The following RFX3 variants were observed in gnomAD, a reference collection of about 807,000 sequenced individuals.
The protein encoded by RFX3 is regulatory factor X3.
A neutral mutation model predicts 98.6 loss-of-function variants in RFX3; 14 were observed. That is an observed-to-expected ratio of 0.14 (90% CI 0.09 to 0.22). The LOEUF (loss-of-function observed/expected upper bound fraction) is 0.22. RFX3 is among the 10% of genes least tolerant of loss of function. The pLI, the probability that RFX3 is intolerant of heterozygous loss-of-function variation, is 1.00. For synonymous variants in RFX3, 383 were observed against 328.4 expected (o/e 1.17, Z -1.80); for missense variants, 639 against 926.9 (o/e 0.69, Z 4.03).
chr9:3,402,994 A>C (rs907918743), intron 1 of RFX3, among the ~76,000 whole-genome samples: 2 of 152,064 alleles, frequency 1.3e-5, no homozygotes, highest in African/African-American at 4.8e-5. Flanking sequence ...GAAATTATTA[A>C]TGCATATATA....
chr9:3,434,703 T>G (rs184530141), intron 1 of RFX3, among the ~76,000 whole-genome samples: 1 of 152,188 alleles, frequency 6.6e-6, no homozygotes, highest in Non-Finnish European at 1.5e-5. Context: ...CCTTCTGCAC[T>G]CCAAATGCCA....
chr9:3,334,588 G>A (rs1176478845), intron 3 of RFX3, among the ~76,000 whole-genome samples: 1 of 152,178 alleles, frequency 6.6e-6, no homozygotes, highest in Non-Finnish European at 1.5e-5. Flanking sequence ...ACTAAAGAGT[G>A]TGCCTAATCC....
intron 1 of RFX3, among the ~76,000 whole-genome samples, chr9:3,482,394 T>A (rs532786096): frequency 4.6e-5 from 7 of 152,236 alleles, no homozygotes; most frequent in African/African-American, 7.2e-5. Context: ...CAAGCAGATA[T>A]GTAGTCATCT....
At chr9:3,230,423 C>T (rs763865097) in intron 15 of RFX3, among the ~76,000 whole-genome samples, 10 of 152,110 alleles carry the variant, frequency 6.6e-5, no homozygotes, top group South Asian at 2.1e-4. Context: ...ATACATCCCA[C>T]GGGGCAACAA....
intron 2 of RFX3, among the ~76,000 whole-genome samples, chr9:3,352,186 A>C (rs1364253255): frequency 1.3e-5 from 2 of 152,030 alleles, no homozygotes; most frequent in Non-Finnish European, 2.9e-5. Context: ...TTACAGTATG[A>C]TTAGCTTTGT....
chr9:3,232,003 A>G (rs1300794955), intron 15 of RFX3, among the ~76,000 whole-genome samples: 1 of 152,100 alleles, frequency 6.6e-6, no homozygotes, highest in Non-Finnish European at 1.5e-5. Context: ...ACTGCACTCC[A>G]GCCTGGGCAA....
intron 1 of RFX3, among the ~76,000 whole-genome samples, chr9:3,438,665 A>G (rs1385527627): frequency 1.3e-5 from 2 of 152,064 alleles, no homozygotes; most frequent in South Asian, 2.1e-4. Flanking sequence ...ATAGACACAT[A>G]TAAGTTAAAA....
At chr9:3,262,232 C>A (rs1480751358) in intron 13 of RFX3, among the ~76,000 whole-genome samples, 2 of 151,960 alleles carry the variant, frequency 1.3e-5, no homozygotes. Flanking sequence ...CATTTAGATT[C>A]ATTACTTTAG....
chr9:3,219,347 T>G lies in RFX3; in HGVS notation c.*5695A>C, dbSNP rs533078471. 6.6e-6 allele frequency: 1 copy of G among 152,112 alleles called. No homozygotes were observed. Among genetic ancestry groups the G allele is most frequent in the African/African-American group, 2.4e-5 (1 of 41,532 alleles). 9.4% of individuals were successfully genotyped at this position (152,112 alleles called of 1,614,324 possible). On this transcript the variant is annotated 3_prime_UTR_variant, in exon 17 of 17. Transcript: ENST00000617270. Reference sequence around the variant, plus strand: ...TTTCTTTCCTCCCCAGAATCAAAATTCTTCTAAAGAATATTTGTTGTCCTC... The same window carrying G: ...TTTCTTTCCTCCCCAGAATCAAAATGCTTCTAAAGAATATTTGTTGTCCTC...
intron 1 of RFX3, among the ~76,000 whole-genome samples, chr9:3,451,599 T>C (rs988265385): frequency 1.3e-5 from 2 of 152,122 alleles, no homozygotes; most frequent in Admixed American, 6.5e-5. Context: ...GACAAATTTC[T>C]TGTGCAGAAG....
chr9:3,466,880 T>C (rs1848268586), intron 1 of RFX3, among the ~76,000 whole-genome samples: 2 of 151,628 alleles, frequency 1.3e-5, no homozygotes, highest in South Asian at 2.1e-4. Flanking sequence ...TATTTACAAA[T>C]ACTTATCATT....
intron 1 of RFX3, among the ~76,000 whole-genome samples, chr9:3,405,626 T>A (rs936406342): frequency 6.6e-6 from 1 of 152,238 alleles, no homozygotes; most frequent in Non-Finnish European, 1.5e-5. Context: ...CATCTTGGCA[T>A]CCTTTTTTCT....
intron 1 of RFX3, among the ~76,000 whole-genome samples, chr9:3,404,208 A>G (rs1422021649): frequency 6.6e-6 from 1 of 152,202 alleles, no homozygotes. Flanking sequence ...AAACCTCTAT[A>G]TATTCATATA....
intron 5 of RFX3, among the ~76,000 whole-genome samples, chr9:3,300,822 G>A (rs183692700): frequency 8.6e-5 from 13 of 151,902 alleles, no homozygotes; most frequent in South Asian, 4.1e-4. Context: ...TTTCCCACAT[G>A]AGAACAGCTG....
intron 4 of RFX3, among the ~76,000 whole-genome samples, chr9:3,317,519 G>C (rs1830762851): frequency 1.3e-5 from 2 of 152,174 alleles, no homozygotes; most frequent in African/African-American, 4.8e-5. Context: ...ATTGACAAAT[G>C]GGTTCTAATA....
intron 1 of RFX3, among the ~76,000 whole-genome samples, chr9:3,399,533 T>C (rs1415926330): frequency 6.6e-6 from 1 of 152,222 alleles, no homozygotes; most frequent in Non-Finnish European, 1.5e-5. Context: ...ATGTGTTCTA[T>C]AGGCAAATTA....
At chr9:3,227,313 C>T (rs887409901) in intron 16 of RFX3, among the ~76,000 whole-genome samples, 1 of 152,060 alleles carries the variant, frequency 6.6e-6, no homozygotes, top group African/African-American at 2.4e-5. Flanking sequence ...TTTAAGTGTT[C>T]CAGGTAGGTT....
chr9:3,378,226 G>A (rs929679439), intron 2 of RFX3, among the ~76,000 whole-genome samples: 13 of 152,160 alleles, frequency 8.5e-5, no homozygotes, highest in East Asian at 3.9e-4. Context: ...CATGACTGTC[G>A]AAGAATTGGA....
chr9:3,496,637 C>T (rs1395412310), intron 1 of RFX3, among the ~76,000 whole-genome samples: 1 of 151,950 alleles, frequency 6.6e-6, no homozygotes, highest in African/African-American at 2.4e-5. Context: ...TTTTCCCTTT[C>T]ACTTTATCTT....
Sources: allele counts gnomAD v4.1 joint callset (sites outside exome capture counted in the v4.1 genomes callset), GRCh38; gene constraint gnomAD v4.1.1; transcripts MANE v1.5; gene names NCBI Gene and HGNC (gene_info 2026-07-23, HGNC 2026-07-21).